The following TNKS variants were observed in gnomAD, a reference collection of about 807,000 sequenced individuals.
TNKS encodes the protein poly [ADP-ribose] polymerase tankyrase-1.
A neutral mutation model predicts 135.8 loss-of-function variants in TNKS; 72 were observed. The ratio of observed to expected loss-of-function variants is 0.53; its 90% confidence interval spans 0.44 to 0.64. The LOEUF is 0.64. Ranked by LOEUF, TNKS falls within the 30% of genes least tolerant of loss-of-function variation. The probability of loss-of-function intolerance (pLI) is 0.00; values close to 1 mark genes in which losing one functional copy is unlikely to be tolerated. For missense variants in TNKS, 1,769 were observed against 1,674.0 expected (o/e 1.06, Z -0.99); for synonymous variants, 849 against 649.3 (o/e 1.31, Z -4.68).
intron 26 of TNKS, among the ~76,000 whole-genome samples, chr8:9,771,405 AGG>A: frequency 1.0e-5 from 1 of 99,546 alleles, no homozygotes; most frequent in Admixed American, 9.5e-5. Context: ...AGGGAAAGAA[AGG>A]GAGACAGATA....
chr8:9,759,800 C>T (rs1439113205), intron 20 of TNKS, among the ~76,000 whole-genome samples: 3 of 151,950 alleles, frequency 2.0e-5, no homozygotes, highest in African/African-American at 4.8e-5. Context: ...CGGTGAAACC[C>T]CATCTCTACT....
In TNKS at chr8:9,662,885, G is replaced by A. The variant is rs149557527; in HGVS notation, c.995-17066G>A. 2.5e-3 allele frequency among the ~76,000 whole-genome samples: 377 copies of A among 152,302 alleles called. 2 individuals carry two copies. Among genetic ancestry groups the A allele is most frequent in the African/African-American group, 8.6e-3 (357 of 41,562 alleles). On this transcript the variant is annotated intron_variant, in intron 3 of 26. Coordinates refer to ENST00000310430, the MANE Select transcript of TNKS (RefSeq NM_003747.3). ...AGGCAGAATACTAGCCCCCATAGAT[G>A]TCAACATACTAATCCCCAGAACCTG... is the stretch of plus-strand genomic sequence containing the variant.
chr8:9,637,064 G>T (rs887455302), intron 3 of TNKS, among the ~76,000 whole-genome samples: 1 of 152,142 alleles, frequency 6.6e-6, no homozygotes, highest in Non-Finnish European at 1.5e-5. Context: ...ATACAGTGAA[G>T]AATATGCTCA....
At chr8:9,726,961 C>T (rs763682140) in intron 13 of TNKS, among the ~76,000 whole-genome samples, 11 of 151,882 alleles carry the variant, frequency 7.2e-5, no homozygotes, top group Non-Finnish European at 1.3e-4. Context: ...TATATACATA[C>T]ACACACACAC....
intron 5 of TNKS, among the ~76,000 whole-genome samples, chr8:9,700,047 AAG>A (rs780537007): frequency 2.0e-5 from 3 of 152,256 alleles, no homozygotes; most frequent in Non-Finnish European, 2.9e-5. Flanking sequence ...TCAGCTCAGA[AAG>A]CGTTTCTTCT....
intron 3 of TNKS, among the ~76,000 whole-genome samples, chr8:9,653,664 A>T (rs1227173400): frequency 6.6e-6 from 1 of 152,144 alleles, no homozygotes; most frequent in African/African-American, 2.4e-5. Flanking sequence ...CACTCTCACA[A>T]CATCATCACC....
chr8:9,556,702 A>T, intron 1 of TNKS, 90 bp downstream of exon 1: 1 of 1,454,422 alleles, frequency 6.9e-7, no homozygotes, highest in Non-Finnish European at 9.5e-7. Flanking sequence ...TGATGGGACA[A>T]AGTGGGGGCG....
chr8:9,713,104 A>C (rs1029878141), intron 11 of TNKS, among the ~76,000 whole-genome samples: 1 of 152,144 alleles, frequency 6.6e-6, no homozygotes, highest in African/African-American at 2.4e-5. Flanking sequence ...TTAAAATGGC[A>C]CTTTATGTTT....
intron 2 of TNKS, among the ~76,000 whole-genome samples, chr8:9,596,906 C>T (rs572692815): frequency 3.9e-5 from 6 of 152,328 alleles, no homozygotes; most frequent in African/African-American, 1.4e-4. Context: ...CTCTCACTGT[C>T]ATAGGTATTT....
intron 2 of TNKS, among the ~76,000 whole-genome samples, chr8:9,600,706 C>G (rs1798984970): frequency 6.6e-6 from 1 of 152,060 alleles, no homozygotes; most frequent in African/African-American, 2.4e-5. Context: ...ACATAGTTCA[C>G]TGGGGTGAAA....
chr8:9,759,104 C>T (rs1807005987), intron 20 of TNKS, among the ~76,000 whole-genome samples: 1 of 152,170 alleles, frequency 6.6e-6, no homozygotes. Context: ...CTGCTAGTCA[C>T]TTCTCATCAC....
At chr8:9,564,353 G>A (rs1423832777) in intron 1 of TNKS, among the ~76,000 whole-genome samples, 1 of 151,842 alleles carries the variant, frequency 6.6e-6, no homozygotes, top group Non-Finnish European at 1.5e-5. Context: ...ATCAAAGGTC[G>A]AGTTGTGAGC....
chr8:9,684,104 C>T (rs1244105290), intron 5 of TNKS, among the ~76,000 whole-genome samples: 5 of 151,892 alleles, frequency 3.3e-5, no homozygotes, highest in African/African-American at 1.2e-4. Context: ...CATCTTCTAC[C>T]TTCTGCCCAG....
chr8:9,633,729 T>A (rs1800387262), intron 3 of TNKS, among the ~76,000 whole-genome samples: 1 of 152,212 alleles, frequency 6.6e-6, no homozygotes, highest in Non-Finnish European at 1.5e-5. Flanking sequence ...TGCCATATTG[T>A]AAACTGCCTT....
intron 3 of TNKS, among the ~76,000 whole-genome samples, chr8:9,619,836 T>G (rs543056634): frequency 6.6e-6 from 1 of 151,024 alleles, no homozygotes; most frequent in South Asian, 2.1e-4. Flanking sequence ...GCCCTTCAGA[T>G]AAGACCAACA....
At chr8:9,673,561 A>T (rs889290117) in intron 3 of TNKS, among the ~76,000 whole-genome samples, 1 of 149,302 alleles carries the variant, frequency 6.7e-6, no homozygotes, top group African/African-American at 2.5e-5. Context: ...TCTCTGTCTC[A>T]GCCTCCCGAA....
intron 1 of TNKS, chr8:9,558,754 C>T (rs888413676): frequency 5.9e-5 from 9 of 152,096 alleles, no homozygotes; most frequent in African/African-American, 1.9e-4. Context: ...ACAAGCTAAC[C>T]TTGAATTGGC....
At chr8:9,604,500 T>C (rs1236771222) in intron 2 of TNKS, among the ~76,000 whole-genome samples, 1 of 152,088 alleles carries the variant, frequency 6.6e-6, no homozygotes, top group Non-Finnish European at 1.5e-5. Flanking sequence ...CTAACATATA[T>C]AACGTATATT....
At chr8:9,757,703 G>A (rs1806917044) in intron 20 of TNKS, among the ~76,000 whole-genome samples, 2 of 152,244 alleles carry the variant, frequency 1.3e-5, no homozygotes, top group South Asian at 4.1e-4. Context: ...CATGAACTTT[G>A]GTTAGCACTC....
Sources: allele counts gnomAD v4.1 joint callset (sites outside exome capture counted in the v4.1 genomes callset), GRCh38; gene constraint gnomAD v4.1.1; transcripts MANE v1.5; gene names NCBI Gene and HGNC (gene_info 2026-07-23, HGNC 2026-07-21).